The following PBX3 variants were observed in gnomAD, a reference collection of about 807,000 sequenced individuals.
The protein encoded by PBX3 is pre-B-cell leukemia transcription factor 3.
In PBX3, 14 loss-of-function variants were observed where a neutral mutation model predicts 48.5. The ratio of observed to expected loss-of-function variants is 0.29; its 90% CI spans 0.19 to 0.45. PBX3 has a LOEUF of 0.45. PBX3 is among the 20% of genes least tolerant of loss of function. PBX3 has a pLI of 1.00. For synonymous variants in PBX3, 210 were observed against 200.3 expected, an observed-to-expected ratio of 1.05 and a Z score of -0.41; for missense variants, 386 against 546.7, an observed-to-expected ratio of 0.71 and a Z score of 2.93.
rs1840400318 is a variant in PBX3 at position 125,882,286 on chromosome 9, T to C, written c.275-33400T>C. On this transcript the variant is annotated intron_variant, in intron 2 of 8. Coordinates refer to ENST00000373489, the MANE Select transcript of PBX3 (RefSeq NM_006195.6). ...TTGGATTACAGATGTAATTCAGCAATGAAAAAGTTTAGAACTTTGTAAACA... is the reference window on the plus strand; with the variant it reads ...TTGGATTACAGATGTAATTCAGCAACGAAAAAGTTTAGAACTTTGTAAACA... 5.9e-5 allele frequency among the ~76,000 whole-genome samples: 9 copies of C among 152,068 alleles called. No homozygotes were observed. The South Asian group carries it at 1.9e-3, about 31-fold the overall frequency.
intron 3 of PBX3, among the ~76,000 whole-genome samples, chr9:125,917,872 G>A (rs1459130197): frequency 6.6e-6 from 1 of 152,008 alleles, no homozygotes; most frequent in Non-Finnish European, 1.5e-5. Flanking sequence ...AACTTCTTGT[G>A]GAAAATGTAC....
At chr9:125,959,672 T>A (rs1842386086) in intron 5 of PBX3, among the ~76,000 whole-genome samples, 1 of 152,202 alleles carries the variant, frequency 6.6e-6, no homozygotes, top group African/African-American at 2.4e-5. Context: ...CTGTTAAGTA[T>A]AATACCTTCA....
intron 2 of PBX3, among the ~76,000 whole-genome samples, chr9:125,803,251 C>G (rs1838022230): frequency 6.6e-6 from 1 of 151,770 alleles, no homozygotes; most frequent in African/African-American, 2.4e-5. Flanking sequence ...CCATGCCTGG[C>G]TAATTTTTGT....
chr9:125,949,252 C>G (rs1433538798), intron 5 of PBX3: 1 of 1,193,906 alleles, frequency 8.4e-7, no homozygotes, highest in African/African-American at 1.5e-5. Context: ...ATAATTTGCT[C>G]AGGGGATTCA....
chr9:125,769,382 G>A (rs1836884382), intron 2 of PBX3, among the ~76,000 whole-genome samples: 1 of 152,164 alleles, frequency 6.6e-6, no homozygotes, highest in Non-Finnish European at 1.5e-5. Flanking sequence ...ACCACCAGGG[G>A]TCCACGGACA....
chr9:125,771,894 G>A (rs1836948313), intron 2 of PBX3, among the ~76,000 whole-genome samples: 3 of 152,148 alleles, frequency 2.0e-5, no homozygotes, highest in African/African-American at 7.2e-5. Flanking sequence ...GAGGAGAGTA[G>A]TGCAAGGGTG....
chr9:125,906,168 A>G (rs138269331), intron 2 of PBX3, among the ~76,000 whole-genome samples: 1 of 152,184 alleles, frequency 6.6e-6, no homozygotes, highest in African/African-American at 2.4e-5. Flanking sequence ...AAGTCTAGTA[A>G]AGTTCATGTT....
At chr9:125,824,827 C>T (rs1564675599) in intron 2 of PBX3, among the ~76,000 whole-genome samples, 2 of 151,830 alleles carry the variant, frequency 1.3e-5, no homozygotes, top group African/African-American at 4.8e-5. Context: ...GTAACAATAA[C>T]GATAGCTACC....
At chr9:125,832,794 C>T (rs1403075011) in intron 2 of PBX3, among the ~76,000 whole-genome samples, 1 of 152,088 alleles carries the variant, frequency 6.6e-6, no homozygotes, top group Non-Finnish European at 1.5e-5. Context: ...TTGTATTTCT[C>T]TTTACCACCA....
intron 7 of PBX3, 62 bp from the exon 8 acceptor site, chr9:125,962,950 T>G: frequency 1.2e-6 from 1 of 860,952 alleles, no homozygotes; most frequent in Non-Finnish European, 1.9e-6. Flanking sequence ...ATTATTTCCT[T>G]TTGTAAGTGA....
intron 2 of PBX3, among the ~76,000 whole-genome samples, chr9:125,763,231 C>T (rs959124188): frequency 2.6e-5 from 4 of 152,122 alleles, no homozygotes; most frequent in Admixed American, 1.3e-4. Context: ...CACAGGATTA[C>T]AAGGCATATA....
intron 2 of PBX3, among the ~76,000 whole-genome samples, chr9:125,818,343 T>A (rs550509325): frequency 3.3e-5 from 5 of 151,402 alleles, no homozygotes; most frequent in East Asian, 1.9e-4. Flanking sequence ...TTTTTTTTTT[T>A]AATTTGAGAC....
chr9:125,750,106 A>G (rs1379182981), intron 2 of PBX3, among the ~76,000 whole-genome samples: 1 of 152,236 alleles, frequency 6.6e-6, no homozygotes, highest in East Asian at 1.9e-4. Flanking sequence ...TAGAAGCTTA[A>G]AAGTATGCAA....
At chr9:125,892,014 G>A (rs1395058595) in intron 2 of PBX3, among the ~76,000 whole-genome samples, 1 of 152,152 alleles carries the variant, frequency 6.6e-6, no homozygotes, top group Non-Finnish European at 1.5e-5. Flanking sequence ...CTGTCTCCCA[G>A]ATTCAAGCAA....
At chr9:125,815,283 C>G (rs1310110530) in intron 2 of PBX3, among the ~76,000 whole-genome samples, 1 of 152,180 alleles carries the variant, frequency 6.6e-6, no homozygotes, top group East Asian at 1.9e-4. Flanking sequence ...CTTCTCCTTC[C>G]TATAGTCCCA....
At chr9:125,936,790 G>T (rs987483261) in intron 5 of PBX3, among the ~76,000 whole-genome samples, 1 of 152,118 alleles carries the variant, frequency 6.6e-6, no homozygotes, top group African/African-American at 2.4e-5. Context: ...AGTTAGAAAT[G>T]GAATATAATT....
At chr9:125,873,967 G>A (rs1840187879) in intron 2 of PBX3, among the ~76,000 whole-genome samples, 1 of 152,026 alleles carries the variant, frequency 6.6e-6, no homozygotes, top group African/African-American at 2.4e-5. Context: ...AAAAAAGAAG[G>A]AAAGAAGGAA....
intron 5 of PBX3, among the ~76,000 whole-genome samples, chr9:125,941,578 G>C (rs1314836723): frequency 1.3e-5 from 2 of 152,198 alleles, no homozygotes; most frequent in Non-Finnish European, 2.9e-5. Context: ...AGGGTTTCCT[G>C]ATAGGTTGGA....
intron 2 of PBX3, among the ~76,000 whole-genome samples, chr9:125,823,638 T>A (rs1838720962): frequency 6.6e-6 from 1 of 151,994 alleles, no homozygotes; most frequent in African/African-American, 2.4e-5. Flanking sequence ...TCTCCTTTTT[T>A]AAAAAAAGAA....
Sources: gnomAD v4.1 joint callset for allele counts (sites outside exome capture counted in the v4.1 genomes callset) on GRCh38, gnomAD v4.1.1 for gene constraint, MANE v1.5 for transcripts, NCBI Gene and HGNC (gene_info 2026-07-23, HGNC 2026-07-21) for gene names.